Variants in CADPS2 observed in about 807,000 individuals in gnomAD.
The protein encoded by CADPS2 is calcium dependent secretion activator 2, also known as calcium-dependent secretion activator 2.
CADPS2 carries 93 observed loss-of-function variants against 172.5 expected under a neutral mutation model. The observed-to-expected ratio is 0.54, with a 90% CI of 0.46 to 0.64. CADPS2 has a LOEUF of 0.64. Among genes scored for constraint, CADPS2 ranks in the 30% least tolerant of loss-of-function variants. CADPS2 has a pLI of 0.00. For synonymous variants in CADPS2, 546 were observed against 555.2 expected, an observed-to-expected ratio of 0.98 and a Z score of 0.23; for missense variants, 1,420 against 1,565.9, an observed-to-expected ratio of 0.91 and a Z score of 1.57.
At chr7:122,665,147 G>C (rs1052479544) in intron 2 of CADPS2, among the ~76,000 whole-genome samples, 2 of 152,014 alleles carry the variant, frequency 1.3e-5, no homozygotes, top group African/African-American at 4.8e-5. Context: ...GTACTCCCAA[G>C]TTATGATCAT....
At chr7:122,546,456 G>C (rs2063627583) in intron 8 of CADPS2, among the ~76,000 whole-genome samples, 1 of 152,112 alleles carries the variant, frequency 6.6e-6, no homozygotes, top group African/African-American at 2.4e-5. Flanking sequence ...CTTTTGAAGA[G>C]ATTCCTTTTC....
At chr7:122,377,764 A>G (rs944693972) in intron 25 of CADPS2, among the ~76,000 whole-genome samples, 5 of 151,880 alleles carry the variant, frequency 3.3e-5, no homozygotes, top group Non-Finnish European at 5.9e-5. Context: ...TTCTCTATCT[A>G]TCCACTTGTT....
chr7:122,334,315 T>A (rs1383310267), intron 28 of CADPS2, among the ~76,000 whole-genome samples: 1 of 152,218 alleles, frequency 6.6e-6, no homozygotes, highest in East Asian at 1.9e-4. Flanking sequence ...CTCTAGCATA[T>A]GCTCAGGTCT....
chr7:122,486,055 C>T (rs957535972), intron 11 of CADPS2, among the ~76,000 whole-genome samples: 1 of 152,032 alleles, frequency 6.6e-6, no homozygotes, highest in African/African-American at 2.4e-5. Context: ...CATTATTGCT[C>T]ACTGACATAG....
intron 28 of CADPS2, among the ~76,000 whole-genome samples, chr7:122,344,089 A>T (rs2037199224): frequency 6.6e-6 from 1 of 152,202 alleles, no homozygotes; most frequent in Admixed American, 6.5e-5. Context: ...ACCCAAACTG[A>T]CAGTGAACAC....
intron 28 of CADPS2, among the ~76,000 whole-genome samples, chr7:122,326,365 C>G (rs1264371452): frequency 2.0e-5 from 3 of 152,028 alleles, no homozygotes; most frequent in African/African-American, 7.2e-5. Flanking sequence ...ATGCAATTTT[C>G]TGCTCCTATA....
intron 2 of CADPS2, among the ~76,000 whole-genome samples, chr7:122,720,785 T>C (rs552780437): frequency 1.2e-4 from 19 of 152,016 alleles, no homozygotes; most frequent in African/African-American, 4.3e-4. Flanking sequence ...CTGCCACACA[T>C]AGAAACAACG....
intron 8 of CADPS2, among the ~76,000 whole-genome samples, chr7:122,531,008 A>G (rs1028195976): frequency 6.6e-6 from 1 of 152,166 alleles, no homozygotes; most frequent in Non-Finnish European, 1.5e-5. Flanking sequence ...GAAAAAACCA[A>G]CAACAACTAA....
intron 1 of CADPS2, among the ~76,000 whole-genome samples, chr7:122,836,923 C>G (rs912371134): frequency 2.0e-5 from 3 of 152,068 alleles, no homozygotes. Flanking sequence ...CTGCACCAAG[C>G]GGACCTAATA....
At chr7:122,438,252 C>G (rs2050902614) in intron 17 of CADPS2, 89 bp downstream of exon 17, 20 of 1,512,080 alleles carry the variant, frequency 1.3e-5, no homozygotes, top group South Asian at 2.3e-5. Flanking sequence ...CAGGATTGTT[C>G]AGGAAAGGAA....
chr7:122,391,102 TTTC>T (rs2044311980), intron 22 of CADPS2, among the ~76,000 whole-genome samples: 1 of 152,100 alleles, frequency 6.6e-6, no homozygotes, highest in Admixed American at 6.6e-5. Flanking sequence ...AATATAAATG[TTTC>T]TTTTTATTAA....
chr7:122,413,285 G>A (rs1206280349), intron 19 of CADPS2, among the ~76,000 whole-genome samples: 1 of 152,168 alleles, frequency 6.6e-6, no homozygotes, highest in African/African-American at 2.4e-5. Context: ...TCACTGAAAT[G>A]TGGAGACAGC....
At chr7:122,699,530 T>TAA (rs1473591317) in intron 2 of CADPS2, among the ~76,000 whole-genome samples, 1 of 152,216 alleles carries the variant, frequency 6.6e-6, no homozygotes, top group Non-Finnish European at 1.5e-5. Context: ...CATCAAAAAG[T>TAA]AAAAGTCACA....
At chr7:122,812,949 A>T (rs1800396395) in intron 1 of CADPS2, among the ~76,000 whole-genome samples, 1 of 152,142 alleles carries the variant, frequency 6.6e-6, no homozygotes, top group Non-Finnish European at 1.5e-5. Context: ...TTCATTCTCT[A>T]TGGGCTGTTT....
chr7:122,390,760 T>C (rs1423288473), intron 22 of CADPS2, among the ~76,000 whole-genome samples: 7 of 152,096 alleles, frequency 4.6e-5, no homozygotes, highest in Non-Finnish European at 1.0e-4. Context: ...AGTTGGTACA[T>C]ATAACCTGCA....
chr7:122,451,323 G>T, intron 15 of CADPS2, 51 bp downstream of exon 15: 1 of 959,070 alleles, frequency 1.0e-6, no homozygotes, highest in Non-Finnish European at 1.5e-6. Flanking sequence ...GGGAAGTAAG[G>T]GTTGAGTAAA....
chr7:122,689,021 G>A (rs895630824), intron 2 of CADPS2, among the ~76,000 whole-genome samples: 6 of 152,158 alleles, frequency 3.9e-5, no homozygotes, highest in African/African-American at 1.4e-4. Flanking sequence ...CTAGGCTGAT[G>A]GAGTCCTTTT....
chr7:122,689,287 T>C (rs1295670964), intron 2 of CADPS2, among the ~76,000 whole-genome samples: 3 of 152,294 alleles, frequency 2.0e-5, no homozygotes, highest in East Asian at 1.9e-4. Flanking sequence ...GTTTTCAACA[T>C]TGTGTCCCTA....
intron 1 of CADPS2, among the ~76,000 whole-genome samples, chr7:122,740,980 G>A (rs1174347824): frequency 2.6e-5 from 4 of 152,124 alleles, no homozygotes; most frequent in African/African-American, 7.2e-5. Context: ...ATTCCACTTT[G>A]AGATTGGATC....
Sources: gnomAD v4.1 joint callset for allele counts (sites outside exome capture counted in the v4.1 genomes callset) on GRCh38, gnomAD v4.1.1 for gene constraint, MANE v1.5 for transcripts, NCBI Gene and HGNC (gene_info 2026-07-23, HGNC 2026-07-21) for gene names.